The following PTPRT variants were observed in gnomAD, a reference collection of about 807,000 sequenced individuals.
PTPRT encodes protein tyrosine phosphatase receptor type T.
A neutral mutation model predicts 176.8 loss-of-function variants in PTPRT; 56 were observed. The observed-to-expected ratio is 0.32, with a 90% CI of 0.26 to 0.40. PTPRT has a LOEUF of 0.40. Ranked by LOEUF, PTPRT falls within the 10% of genes least tolerant of loss-of-function variation. The pLI, the probability that PTPRT is intolerant of heterozygous loss-of-function variation, is 1.00. For missense variants in PTPRT, 1,540 were observed against 1,908.2 expected, an observed-to-expected ratio of 0.81 and a Z score of 3.60; for synonymous variants, 783 against 739.0, an observed-to-expected ratio of 1.06 and a Z score of -0.96.
chr20:42,562,403 A>C (rs34598473), intron 7 of PTPRT, among the ~76,000 whole-genome samples: 35,348 of 152,098 alleles, frequency 0.23, 4,625 homozygotes, highest in African/African-American at 0.35. Flanking sequence ...ATAAGTTTTG[A>C]GGTTAATTCA....
At chr20:42,448,682 C>T (rs958003219) in intron 8 of PTPRT, among the ~76,000 whole-genome samples, 4 of 151,956 alleles carry the variant, frequency 2.6e-5, no homozygotes, top group Admixed American at 6.6e-5. Flanking sequence ...TGAACTGAAC[C>T]GGATAAGGGC....
intron 8 of PTPRT, among the ~76,000 whole-genome samples, chr20:42,459,619 TG>T (rs1164927950): frequency 6.6e-6 from 1 of 152,198 alleles, no homozygotes; most frequent in Non-Finnish European, 1.5e-5. Context: ...GGTTCAGATG[TG>T]GGGAACAGCA....
At position 42,678,259 on chromosome 20, in the gene PTPRT, C is replaced by T. The variant is rs578256159; in HGVS notation, c.860-100G>A. 7.8e-6 allele frequency: 9 copies of T among 1,149,292 alleles called. No individual in the cohort carries two copies. In the African/African-American group the frequency reaches 1.4e-4, roughly 18 times the overall value. 71.2% of individuals were successfully genotyped at this position (1,149,292 alleles called of 1,614,324 possible). A position where few individuals can be genotyped will look rare whatever the true frequency, so the allele number is the denominator to read the frequency against. On this transcript the variant is annotated intron_variant, in intron 6 of 30. Transcript: ENST00000373187. Reference sequence around the variant, plus strand: ...AGGGACAGAATTCTTGATGTAGCCACAAAAAAAATAGTCAGAAACCCCTTT... The same window carrying T: ...AGGGACAGAATTCTTGATGTAGCCATAAAAAAAATAGTCAGAAACCCCTTT...
chr20:42,409,441 C>T (rs879686854), intron 9 of PTPRT, among the ~76,000 whole-genome samples: 4 of 128,066 alleles, frequency 3.1e-5, no homozygotes, highest in African/African-American at 6.0e-5. Context: ...GAGATCGTGC[C>T]ACTGTACTCC....
intron 7 of PTPRT, among the ~76,000 whole-genome samples, chr20:42,608,122 C>A (rs182583804): frequency 6.6e-6 from 1 of 152,252 alleles, no homozygotes; most frequent in Non-Finnish European, 1.5e-5. Flanking sequence ...GACTTGCATC[C>A]AGACTCCAGG....
At chr20:43,050,673 C>T (rs1186610530) in intron 1 of PTPRT, among the ~76,000 whole-genome samples, 1 of 152,240 alleles carries the variant, frequency 6.6e-6, no homozygotes, top group Admixed American at 6.5e-5. Flanking sequence ...CTTCTCTGAG[C>T]CTCATCTGAA....
intron 1 of PTPRT, among the ~76,000 whole-genome samples, chr20:43,047,514 T>C (rs1013144108): frequency 1.3e-5 from 2 of 152,044 alleles, no homozygotes; most frequent in African/African-American, 2.4e-5. Context: ...GGCAGGAAAA[T>C]AAAGTTCAGG....
the PTPRT span, among the ~76,000 whole-genome samples, chr20:42,043,946 G>A: frequency 2.0e-5 from 3 of 152,162 alleles, no homozygotes; most frequent in African/African-American, 4.8e-5. Flanking sequence ...CATTGCTCTC[G>A]AGAGCTCCTG....
At chr20:43,176,971 G>A (rs1196980979) in intron 1 of PTPRT, among the ~76,000 whole-genome samples, 3 of 152,166 alleles carry the variant, frequency 2.0e-5, no homozygotes, top group Non-Finnish European at 4.4e-5. Context: ...TACTACATCT[G>A]CTTCAGCTCT....
At chr20:43,108,488 A>G (rs1204199200) in intron 1 of PTPRT, among the ~76,000 whole-genome samples, 1 of 152,146 alleles carries the variant, frequency 6.6e-6, no homozygotes, top group African/African-American at 2.4e-5. Flanking sequence ...GAGAGATAAT[A>G]ATACATTGTT....
At chr20:42,760,052 C>T (rs1402930853) in intron 5 of PTPRT, among the ~76,000 whole-genome samples, 1 of 152,208 alleles carries the variant, frequency 6.6e-6, no homozygotes, top group Non-Finnish European at 1.5e-5. Context: ...AAGTGTACCC[C>T]AGAGTGGATG....
chr20:43,033,366 T>C (rs1986228339), intron 1 of PTPRT, among the ~76,000 whole-genome samples: 1 of 152,090 alleles, frequency 6.6e-6, no homozygotes, highest in African/African-American at 2.4e-5. Flanking sequence ...TGTTGAGAGA[T>C]GGACAGCCCC....
At chr20:43,023,500 C>T (rs1985787029) in intron 1 of PTPRT, among the ~76,000 whole-genome samples, 1 of 152,190 alleles carries the variant, frequency 6.6e-6, no homozygotes. Flanking sequence ...CACAAGCCTG[C>T]AGAAAGTCCA....
intron 7 of PTPRT, among the ~76,000 whole-genome samples, chr20:42,561,859 C>T (rs1001175062): frequency 1.3e-5 from 2 of 152,210 alleles, no homozygotes; most frequent in Admixed American, 6.5e-5. Context: ...GGGACTGCTG[C>T]CTCATTGACT....
intron 7 of PTPRT, among the ~76,000 whole-genome samples, chr20:42,563,331 G>A (rs1470033528): frequency 6.6e-6 from 1 of 152,090 alleles, no homozygotes; most frequent in Non-Finnish European, 1.5e-5. Context: ...ATTAAAACAA[G>A]CTATTATTTT....
intron 6 of PTPRT, among the ~76,000 whole-genome samples, chr20:42,749,902 C>T (rs1026039431): frequency 2.0e-5 from 3 of 152,140 alleles, no homozygotes; most frequent in East Asian, 3.9e-4. Context: ...CAGCAGTCAA[C>T]GGTGGAACGT....
intron 6 of PTPRT, among the ~76,000 whole-genome samples, chr20:42,725,679 G>A (rs1052994635): frequency 1.3e-5 from 2 of 152,016 alleles, no homozygotes; most frequent in Admixed American, 6.5e-5. Flanking sequence ...AGATGCTGGC[G>A]AGGTTGCGCA....
chr20:42,989,810 A>C (rs575652542), intron 1 of PTPRT, among the ~76,000 whole-genome samples: 2 of 152,334 alleles, frequency 1.3e-5, no homozygotes, highest in South Asian at 4.1e-4. Context: ...TATAAGCTGG[A>C]ATTTTGAGAT....
intron 1 of PTPRT, among the ~76,000 whole-genome samples, chr20:43,111,993 G>A (rs1245058590): frequency 6.6e-6 from 1 of 152,198 alleles, no homozygotes; most frequent in African/African-American, 2.4e-5. Flanking sequence ...TTCCCCAGAA[G>A]AAGGCACTCT....
Sources: allele counts gnomAD v4.1 joint callset (sites outside exome capture counted in the v4.1 genomes callset), GRCh38; gene constraint gnomAD v4.1.1; transcripts MANE v1.5; gene names NCBI Gene and HGNC (gene_info 2026-07-23, HGNC 2026-07-21).